Variants in UGT2B7 observed in about 807,000 individuals in gnomAD.
UGT2B7 encodes UDP-glucuronosyltransferase 2B7.
UGT2B7 carries 51 observed loss-of-function variants against 51.9 expected under a neutral mutation model. The ratio of observed to expected loss-of-function variants is 0.98; its 90% CI spans 0.78 to 1.24. The LOEUF is 1.24. Among genes scored for constraint, UGT2B7 ranks in the 50% most tolerant of loss-of-function variants. The pLI is 0.00. For synonymous variants in UGT2B7, 225 were observed against 211.6 expected (o/e 1.06, Z -0.55); for missense variants, 727 against 628.4 (o/e 1.16, Z -1.68).
chr4:69,112,738 T>TA lies in UGT2B7; in HGVS notation c.*3dup, dbSNP rs752665004. 57 of 1,613,324 alleles carry TA rather than the reference T, an allele frequency of 3.5e-5. No homozygotes were observed. Among genetic ancestry groups the TA allele is most frequent in the Non-Finnish European group, 4.7e-5 (56 of 1,179,818 alleles). On this transcript the variant is annotated 3_prime_UTR_variant, in exon 6 of 6. Coordinates refer to ENST00000305231, the MANE Select transcript of UGT2B7 (RefSeq NM_001074.4). Reference sequence around the variant, plus strand: ...GCAAAGAAGGGAAAAAATGATTAGTTATATCTGAGATTTGAAGCTGGAAAA... The same window carrying TA: ...GCAAAGAAGGGAAAAAATGATTAGTTAATATCTGAGATTTGAAGCTGGAAAA...
At position 69,112,967 on chromosome 4, in the gene UGT2B7, A is replaced by G. The variant is rs576165032; in HGVS notation, c.*231A>G. On this transcript the variant is annotated 3_prime_UTR_variant, in exon 6 of 6. Coordinates refer to ENST00000305231, the MANE Select transcript of UGT2B7 (RefSeq NM_001074.4). ...CAATGAAGAAAACACTACGGAAAATAAAAAATAAGATAAAGCCTTATGAGC... is the reference window on the plus strand; with the variant it reads ...CAATGAAGAAAACACTACGGAAAATGAAAAATAAGATAAAGCCTTATGAGC... The G allele has an allele frequency of 4.8e-5, 25 of 516,552 alleles. No individual in the cohort carries two copies. In the East Asian group the frequency reaches 1.1e-3, roughly 23 times the overall value. The allele number at this position is 516,552 out of a possible 1,614,324, so 32.0% of individuals were successfully genotyped here. A position where few individuals can be genotyped will look rare whatever the true frequency, so the allele number is the denominator to read the frequency against.
intron 5 of UGT2B7, among the ~76,000 whole-genome samples, chr4:69,109,246 T>C (rs1719702824): frequency 6.6e-6 from 1 of 152,180 alleles, no homozygotes; most frequent in Admixed American, 6.5e-5. Context: ...TTCCTTTCTT[T>C]AGGGTTGATA....
intron 1 of UGT2B7, chr4:69,069,772 G>GA (rs1230105111): frequency 7.2e-5 from 11 of 152,588 alleles, no homozygotes; most frequent in African/African-American, 2.4e-4. Flanking sequence ...GTCTCACCTG[G>GA]TTCCAGTACT....
chr4:69,068,469 T>C (rs1174961123), intron 1 of UGT2B7, among the ~76,000 whole-genome samples: 1 of 152,086 alleles, frequency 6.6e-6, no homozygotes, highest in Non-Finnish European at 1.5e-5. Flanking sequence ...ACCAGAAATA[T>C]GTAGTTTAAA....
At chr4:69,078,370 T>C (rs1421423362) in intron 1 of UGT2B7, among the ~76,000 whole-genome samples, 1 of 152,184 alleles carries the variant, frequency 6.6e-6, no homozygotes, top group African/African-American at 2.4e-5. Context: ...TCAGAAGGAA[T>C]GGTACCATCT....
At chr4:69,055,235 T>TA (rs887595453) in intron 1 of UGT2B7, among the ~76,000 whole-genome samples, 1 of 148,704 alleles carries the variant, frequency 6.7e-6, no homozygotes, top group East Asian at 2.0e-4. Flanking sequence ...AGTTACACAG[T>TA]AAAAAAATAA....
chr4:69,085,635 C>G (rs142094501), intron 1 of UGT2B7, among the ~76,000 whole-genome samples: 9 of 151,724 alleles, frequency 5.9e-5, no homozygotes, highest in Non-Finnish European at 1.3e-4. Flanking sequence ...TGAGTTAGTA[C>G]TGAAACTATC....
chr4:69,105,884 T>C (rs1433874775), intron 3 of UGT2B7, among the ~76,000 whole-genome samples: 2 of 152,104 alleles, frequency 1.3e-5, no homozygotes. Flanking sequence ...TACACACAAG[T>C]AGATACATGT....
At chr4:69,086,641 A>G (rs1718967144) in intron 1 of UGT2B7, among the ~76,000 whole-genome samples, 1 of 151,858 alleles carries the variant, frequency 6.6e-6, no homozygotes. Flanking sequence ...ATTTTGCTTT[A>G]TATATTTGGA....
intron 1 of UGT2B7, among the ~76,000 whole-genome samples, chr4:69,097,625 T>C (rs916988670): frequency 6.6e-6 from 1 of 152,124 alleles, no homozygotes; most frequent in African/African-American, 2.4e-5. Context: ...TACAACTATC[T>C]ATATAACTGC....
intron 1 of UGT2B7, among the ~76,000 whole-genome samples, chr4:69,087,916 C>A (rs2109877596): frequency 6.6e-6 from 1 of 151,898 alleles, no homozygotes; most frequent in African/African-American, 2.4e-5. Context: ...TAGGATGTGC[C>A]TTTGGGAAAT....
intron 1 of UGT2B7, among the ~76,000 whole-genome samples, chr4:69,081,234 C>G (rs1718830345): frequency 6.6e-6 from 1 of 152,096 alleles, no homozygotes; most frequent in South Asian, 2.1e-4. Flanking sequence ...TTTGTTGATA[C>G]AACACTTTCA....
intron 1 of UGT2B7, among the ~76,000 whole-genome samples, chr4:69,063,089 G>T (rs1254350737): frequency 6.8e-6 from 1 of 146,234 alleles, no homozygotes; most frequent in Non-Finnish European, 1.5e-5. Flanking sequence ...GGAGGCCGAG[G>T]CGGGCGGATC....
At chr4:69,054,354 C>T (rs572923056) in intron 1 of UGT2B7, among the ~76,000 whole-genome samples, 1 of 152,256 alleles carries the variant, frequency 6.6e-6, no homozygotes, top group East Asian at 1.9e-4. Flanking sequence ...GCAGCAATGG[C>T]CCTGTTACCA....
chr4:69,077,726 A>G (rs889616574), intron 1 of UGT2B7, among the ~76,000 whole-genome samples: 4 of 152,190 alleles, frequency 2.6e-5, no homozygotes, highest in Non-Finnish European at 5.9e-5. Flanking sequence ...TGTCATCTGC[A>G]GAGACAATTT....
rs772607168 is a variant in UGT2B7 at position 69,112,500 on chromosome 4, C to G, written c.1354C>G (p.Gln452Glu). 2 of 1,613,842 alleles carry G rather than the reference C, an allele frequency of 1.2e-6. No homozygotes were observed. Among genetic ancestry groups the G allele is most frequent in the Non-Finnish European group, 1.7e-6 (2 of 1,179,844 alleles). Residue 452 changes from glutamine to glutamate, a missense_variant, in exon 6 of 6, where the codon CAA (glutamine) becomes GAA (glutamate). Transcript: ENST00000305231. ...VMKLSRIQHDQPVKPLDRAVF... is the reference protein window; with the variant it reads ...VMKLSRIQHDEPVKPLDRAVF... Reference sequence around the variant, plus strand: ...GAAATTATCAAGAATTCAACATGATCAACCAGTGAAGCCCCTGGATCGAGC... The same window carrying G: ...GAAATTATCAAGAATTCAACATGATGAACCAGTGAAGCCCCTGGATCGAGC...
At chr4:69,052,687 A>G (rs752992008) in intron 1 of UGT2B7, among the ~76,000 whole-genome samples, 15 of 152,122 alleles carry the variant, frequency 9.9e-5, no homozygotes, top group Non-Finnish European at 2.1e-4. Context: ...GTTTGTAATA[A>G]GTCAAAAAGT....
chr4:69,083,787 C>T (rs1031658433), intron 1 of UGT2B7, among the ~76,000 whole-genome samples: 2 of 151,916 alleles, frequency 1.3e-5, no homozygotes, highest in Admixed American at 6.6e-5. Context: ...TTGATGGAGT[C>T]TTTAGGATTT....
intron 3 of UGT2B7, among the ~76,000 whole-genome samples, chr4:69,105,931 C>T (rs1719582587): frequency 6.6e-6 from 1 of 151,930 alleles, no homozygotes; most frequent in South Asian, 2.1e-4. Context: ...GATATGAATA[C>T]ATTAAAATTA....
Sources: allele counts gnomAD v4.1 joint callset (sites outside exome capture counted in the v4.1 genomes callset), GRCh38; gene constraint gnomAD v4.1.1; transcripts MANE v1.5; gene names NCBI Gene and HGNC (gene_info 2026-07-23, HGNC 2026-07-21).